The following WDR41 variants were observed in gnomAD, a reference collection of about 807,000 sequenced individuals.
WDR41 encodes the protein WD repeat-containing protein 41.
Under a neutral mutation model 69.3 loss-of-function variants are expected in WDR41, and 63 were observed. The ratio of observed to expected loss-of-function variants is 0.91; its 90% confidence interval spans 0.74 to 1.12. WDR41 has a LOEUF of 1.12. Among genes scored for constraint, WDR41 ranks in the 50% most tolerant of loss-of-function variants. The probability of loss-of-function intolerance (pLI) is 0.00; values close to 1 mark genes in which losing one functional copy is unlikely to be tolerated. For synonymous variants in WDR41, 185 were observed against 192.1 expected (o/e 0.96, Z 0.31); for missense variants, 543 against 534.5 (o/e 1.02, Z -0.16).
rs1407888944 is a variant in WDR41 at position 77,572,781 on chromosome 5, G to A, written c.42+47698C>T. On this transcript the variant is annotated intron_variant, in intron 1 of 5. Transcript: ENST00000509971. ...AACAATCCTTCAAGCTAGTTGTTTG[G>A]CATTTATTTCTCAAAATACCTGTTA... Among the ~76,000 whole-genome samples, 3 of 152,246 alleles carry A rather than the reference G, an allele frequency of 2.0e-5. No homozygotes were observed. In the East Asian group the frequency reaches 5.8e-4, roughly 29 times the overall value.
chr5:77,504,066 C>CAA (rs199946906), intron 1 of WDR41, among the ~76,000 whole-genome samples: 1 of 151,182 alleles, frequency 6.6e-6, no homozygotes, highest in African/African-American at 2.4e-5. Flanking sequence ...AAAAACCCTT[C>CAA]AAAAAATCAG....
intron 1 of WDR41, among the ~76,000 whole-genome samples, chr5:77,508,402 C>T (rs141939543): frequency 5.9e-5 from 9 of 152,350 alleles, no homozygotes; most frequent in African/African-American, 1.4e-4. Context: ...GCATGAGCCA[C>T]CACACCTGGC....
At chr5:77,475,827 CTT>C (rs1470326724) in intron 2 of WDR41, among the ~76,000 whole-genome samples, 3 of 152,166 alleles carry the variant, frequency 2.0e-5, no homozygotes, top group African/African-American at 7.2e-5. Flanking sequence ...TGGAGAATGA[CTT>C]TGACAAGCTG....
chr5:77,560,361 A>C (rs941422665), intron 1 of WDR41, among the ~76,000 whole-genome samples: 1 of 152,202 alleles, frequency 6.6e-6, no homozygotes, highest in African/African-American at 2.4e-5. Flanking sequence ...TGTTAGAGTT[A>C]GGCTACTGTA....
At chr5:77,472,119 A>G (rs1262882880) in intron 2 of WDR41, among the ~76,000 whole-genome samples, 3 of 152,244 alleles carry the variant, frequency 2.0e-5, no homozygotes, top group African/African-American at 7.2e-5. Context: ...CTGGTTCAAT[A>G]TACGCAAATC....
At chr5:77,521,285 T>C (rs1158832077) in intron 1 of WDR41, among the ~76,000 whole-genome samples, 1 of 152,194 alleles carries the variant, frequency 6.6e-6, no homozygotes, top group East Asian at 1.9e-4. Flanking sequence ...CACAATAGGG[T>C]TTGAGCTCCT....
intron 8 of WDR41, among the ~76,000 whole-genome samples, chr5:77,443,846 A>C (rs886353585): frequency 1.3e-5 from 2 of 151,734 alleles, no homozygotes; most frequent in Non-Finnish European, 2.9e-5. Context: ...TTTCCCTAAA[A>C]ATAAAATACG....
At chr5:77,522,801 G>T (rs1167255349) in intron 1 of WDR41, among the ~76,000 whole-genome samples, 1 of 152,088 alleles carries the variant, frequency 6.6e-6, no homozygotes, top group Non-Finnish European at 1.5e-5. Flanking sequence ...AGGTGTTTGA[G>T]CAAGGACCAA....
chr5:77,582,499 C>G, intron 1 of WDR41: 1 of 1,599,948 alleles, frequency 6.3e-7, no homozygotes, highest in Non-Finnish European at 8.5e-7. Flanking sequence ...CCAAAAGATG[C>G]TTCGAAAGGC....
intron 2 of WDR41, among the ~76,000 whole-genome samples, chr5:77,476,054 C>T (rs923196556): frequency 1.3e-5 from 2 of 151,892 alleles, no homozygotes; most frequent in Admixed American, 1.3e-4. Flanking sequence ...ATGCGATCAA[C>T]TGGAAGAAAG....
At chr5:77,607,481 G>A (rs1474299675) in intron 1 of WDR41, among the ~76,000 whole-genome samples, 2 of 152,234 alleles carry the variant, frequency 1.3e-5, no homozygotes, top group Non-Finnish European at 2.9e-5. Context: ...GCAGCTGGGT[G>A]CAGTGATAAG....
At position 77,470,344 on chromosome 5, in the gene WDR41, T is replaced by G. The variant is rs563098138; in HGVS notation, c.168-5535A>C. ...AAAACATGCCAAATTGTAAAGACCA[T>G]CGAGGCTAGGAAGAAACTGCATCAA... On this transcript the variant is annotated intron_variant, in intron 2 of 12. Coordinates refer to ENST00000296679, the MANE Select transcript of WDR41 (RefSeq NM_018268.4). Among the ~76,000 whole-genome samples the G allele has an allele frequency of 9.5e-3, 1,450 of 152,148 alleles. 10 individuals carry two copies. The highest frequency in any genetic ancestry group is 0.015 in the Non-Finnish European group (1,025 of 68,016).
Position 77,545,889 on chromosome 5 carries a change from G to T in WDR41, c.43-56317C>A. 3 of 535,424 alleles carry T rather than the reference G, an allele frequency of 5.6e-6. No homozygotes were observed. The East Asian group carries it at 9.9e-5, about 18-fold the overall frequency. 33.2% of individuals were successfully genotyped at this position (535,424 alleles called of 1,614,324 possible). A position where few individuals can be genotyped will look rare whatever the true frequency, so the allele number is the denominator to read the frequency against. On this transcript the variant is annotated intron_variant, in intron 1 of 5. Coordinates refer to the WDR41 transcript ENST00000509971. ...TGTCCCTGTGCTACTGGGGGACAGA[G>T]GCTACTGGGGGAACAAGATTGGAAA...
chr5:77,547,872 A>T (rs1743226441), intron 1 of WDR41, among the ~76,000 whole-genome samples: 1 of 152,178 alleles, frequency 6.6e-6, no homozygotes, highest in Non-Finnish European at 1.5e-5. Context: ...ACATTACCTG[A>T]TTTCAAACTA....
intron 2 of WDR41, among the ~76,000 whole-genome samples, chr5:77,474,026 G>C (rs1391095110): frequency 6.6e-6 from 1 of 152,156 alleles, no homozygotes; most frequent in Non-Finnish European, 1.5e-5. Flanking sequence ...CAAAGACTTG[G>C]AACCAACCCA....
intron 1 of WDR41, among the ~76,000 whole-genome samples, chr5:77,579,665 G>A (rs78911198): frequency 0.035 from 5,273 of 152,250 alleles, 129 homozygotes; most frequent in Middle Eastern, 0.099. Flanking sequence ...TTCCATACAA[G>A]AAATACTAAA....
chr5:77,525,963 C>A (rs771348999), intron 1 of WDR41, among the ~76,000 whole-genome samples: 12 of 152,144 alleles, frequency 7.9e-5, no homozygotes, highest in Non-Finnish European at 1.8e-4. Context: ...GCTTCATTTT[C>A]TAGCCTTTAG....
intron 1 of WDR41, among the ~76,000 whole-genome samples, chr5:77,517,698 T>G (rs1802311549): frequency 6.6e-6 from 1 of 150,736 alleles, no homozygotes; most frequent in Non-Finnish European, 1.5e-5. Flanking sequence ...AAAAAGGATG[T>G]GAATAAATTC....
intron 1 of WDR41, among the ~76,000 whole-genome samples, chr5:77,616,103 T>C (rs1744676569): frequency 6.6e-6 from 1 of 152,044 alleles, no homozygotes; most frequent in Non-Finnish European, 1.5e-5. Context: ...TTCAAAACTT[T>C]ATATAAACCC....
Sources: gnomAD v4.1 joint callset for allele counts (sites outside exome capture counted in the v4.1 genomes callset) on GRCh38, gnomAD v4.1.1 for gene constraint, MANE v1.5 for transcripts, NCBI Gene and HGNC (gene_info 2026-07-23, HGNC 2026-07-21) for gene names.